The following MNAT1 variants were observed in gnomAD, a reference collection of about 807,000 sequenced individuals.
MNAT1 encodes CDK-activating kinase assembly factor MAT1.
A neutral mutation model predicts 42.0 loss-of-function variants in MNAT1; 43 were observed. The ratio of observed to expected loss-of-function variants is 1.02; its 90% CI spans 0.80 to 1.32. The LOEUF (loss-of-function observed/expected upper bound fraction) is 1.32, where lower values mean the gene tolerates loss of function less well. Ranked by LOEUF, MNAT1 falls within the 40% of genes most tolerant of loss-of-function variation. MNAT1 has a pLI of 0.00. For synonymous variants in MNAT1, 118 were observed against 120.0 expected, an observed-to-expected ratio of 0.98 and a Z score of 0.11; for missense variants, 306 against 350.4, an observed-to-expected ratio of 0.87 and a Z score of 1.01.
At chr14:60,801,924 C>T (rs2032213826) in intron 3 of MNAT1, among the ~76,000 whole-genome samples, 1 of 152,098 alleles carries the variant, frequency 6.6e-6, no homozygotes, top group South Asian at 2.1e-4. Context: ...ACATATGCAC[C>T]ATGGAATACT....
At position 60,734,780 on chromosome 14, in the gene MNAT1, C is replaced by T. The variant is rs780654473; in HGVS notation, c.-83C>T. On this transcript the variant is annotated 5_prime_UTR_variant, in exon 1 of 8. Coordinates refer to ENST00000261245, the MANE Select transcript of MNAT1 (RefSeq NM_002431.4). The surrounding 1 kb of genome is among the most constrained non-coding windows in gnomAD (Gnocchi z 4.3). ...TCTGCCAAGCGCCTGTTGGTAGGAA[C>T]CTGCTTGGTCGCGTCTGAGGGGGCT... The T allele has an allele frequency of 5.7e-5, 75 of 1,310,120 alleles. No homozygotes were observed. Among genetic ancestry groups the T allele is most frequent in the Non-Finnish European group, 7.9e-5 (72 of 911,574 alleles). 81.2% of individuals were successfully genotyped at this position (1,310,120 alleles called of 1,614,324 possible).
chr14:60,838,348 G>T (rs2033453789), intron 6 of MNAT1, among the ~76,000 whole-genome samples: 1 of 151,908 alleles, frequency 6.6e-6, no homozygotes, highest in Non-Finnish European at 1.5e-5. Flanking sequence ...ATGTTGCTCA[G>T]GCTAGTCTCG....
chr14:60,872,010 G>T (rs187544645), intron 6 of MNAT1, among the ~76,000 whole-genome samples: 1 of 152,076 alleles, frequency 6.6e-6, no homozygotes, highest in Non-Finnish European at 1.5e-5. Flanking sequence ...TCTGCATTTT[G>T]TCTTTTTAAA....
At chr14:60,746,289 G>A (rs1896613273) in intron 1 of MNAT1, among the ~76,000 whole-genome samples, 1 of 152,140 alleles carries the variant, frequency 6.6e-6, no homozygotes, top group Non-Finnish European at 1.5e-5. Flanking sequence ...GCCGAGGCGG[G>A]TAGATTACGA....
At chr14:60,932,633 A>G (rs2035914193) in intron 7 of MNAT1, among the ~76,000 whole-genome samples, 1 of 151,942 alleles carries the variant, frequency 6.6e-6, no homozygotes, top group Non-Finnish European at 1.5e-5. Flanking sequence ...ATATATTTAT[A>G]TATCTCATAC....
At chr14:60,845,495 G>A (rs1047698344) in intron 6 of MNAT1, among the ~76,000 whole-genome samples, 1 of 151,948 alleles carries the variant, frequency 6.6e-6, no homozygotes, top group Non-Finnish European at 1.5e-5. Flanking sequence ...AGATGTTGTT[G>A]ATCTAGTCAC....
intron 7 of MNAT1, among the ~76,000 whole-genome samples, chr14:60,886,646 T>G (rs533107213): frequency 6.6e-6 from 1 of 152,202 alleles, no homozygotes; most frequent in Admixed American, 6.5e-5. Flanking sequence ...AAAAAGCTAA[T>G]GTAATGTTTT....
chr14:60,877,323 A>G (rs970989505), intron 6 of MNAT1, among the ~76,000 whole-genome samples: 1 of 152,062 alleles, frequency 6.6e-6, no homozygotes, highest in African/African-American at 2.4e-5. Context: ...GGTGCCTATT[A>G]CAACGTGCCT....
chr14:60,745,081 T>C (rs185043538), intron 1 of MNAT1, among the ~76,000 whole-genome samples: 134 of 152,364 alleles, frequency 8.8e-4, no homozygotes, highest in Middle Eastern at 6.8e-3. Context: ...CCCTGCATTC[T>C]GATCTCTGCC....
intron 3 of MNAT1, among the ~76,000 whole-genome samples, chr14:60,807,503 A>G (rs2032409097): frequency 6.6e-6 from 1 of 152,180 alleles, no homozygotes; most frequent in Admixed American, 6.5e-5. Context: ...CTTGAATTGA[A>G]TTATGGAACA....
intron 1 of MNAT1, among the ~76,000 whole-genome samples, chr14:60,752,407 CTAT>C (rs1281275165): frequency 6.6e-6 from 1 of 151,824 alleles, no homozygotes; most frequent in African/African-American, 2.4e-5. Flanking sequence ...TTAAGCATGT[CTAT>C]TATGTTTTAT....
chr14:60,890,973 T>C (rs1594839914), intron 7 of MNAT1, among the ~76,000 whole-genome samples: 1 of 152,318 alleles, frequency 6.6e-6, no homozygotes, highest in African/African-American at 2.4e-5. Context: ...TAGAATGAGT[T>C]AGGGAGTGTT....
At chr14:60,780,478 G>T in intron 1 of MNAT1, 1 of 1,519,394 alleles carries the variant, frequency 6.6e-7, no homozygotes, top group Non-Finnish European at 9.1e-7. Context: ...CTGAAAAATG[G>T]GAAGAGTCGG....
chr14:60,853,995 T>C (rs2033894463), intron 6 of MNAT1, among the ~76,000 whole-genome samples: 1 of 152,200 alleles, frequency 6.6e-6, no homozygotes, highest in South Asian at 2.1e-4. Flanking sequence ...GCTTTGTTTG[T>C]TTCTTTTCAT....
intron 6 of MNAT1, among the ~76,000 whole-genome samples, chr14:60,874,208 T>G (rs1264175094): frequency 6.6e-6 from 1 of 152,216 alleles, no homozygotes; most frequent in African/African-American, 2.4e-5. Flanking sequence ...TCTGACATTG[T>G]TTTGACAGTT....
chr14:60,931,088 C>T (rs570932227), intron 7 of MNAT1, among the ~76,000 whole-genome samples: 1 of 152,156 alleles, frequency 6.6e-6, no homozygotes, highest in East Asian at 1.9e-4. Flanking sequence ...GAGTTGTAAG[C>T]AGTGAGGATG....
chr14:60,939,215 T>C (rs1028972416), intron 7 of MNAT1, among the ~76,000 whole-genome samples: 2 of 152,216 alleles, frequency 1.3e-5, no homozygotes, highest in Admixed American at 6.5e-5. Flanking sequence ...TGAAGGGTTT[T>C]TTGTGTGTCT....
rs540769830 is a variant in MNAT1 at position 60,938,771 on chromosome 14, C to T, written c.810-29458C>T. ...TACAATGAGTTAGGGAGGATTCCCT[C>T]TTTTTCTACTGATTGGAATAGTTTC... On this transcript the variant is annotated intron_variant, in intron 7 of 7. Transcript: ENST00000261245. 1.4e-4 allele frequency among the ~76,000 whole-genome samples: 21 copies of T among 152,320 alleles called. No individual in the cohort carries two copies. In the South Asian group the frequency reaches 4.3e-3, roughly 32 times the overall value.
intron 3 of MNAT1, chr14:60,799,479 C>T (rs1040090324): frequency 2.3e-6 from 2 of 852,570 alleles, no homozygotes; most frequent in African/African-American, 3.7e-5. Flanking sequence ...TACATATATT[C>T]TAAAGGTAAT....
Sources: allele counts gnomAD v4.1 joint callset (sites outside exome capture counted in the v4.1 genomes callset), GRCh38; gene constraint gnomAD v4.1.1; non-coding constraint Gnocchi (gnomAD v3.1); transcripts MANE v1.5; gene names NCBI Gene and HGNC (gene_info 2026-07-23, HGNC 2026-07-21).